The following BCAT1 variants were observed in gnomAD, a reference collection of about 807,000 sequenced individuals.
BCAT1 encodes branched-chain-amino-acid aminotransferase, cytosolic.
Under a neutral mutation model 52.4 loss-of-function variants are expected in BCAT1, and 48 were observed. The ratio of observed to expected loss-of-function variants is 0.92; its 90% confidence interval spans 0.73 to 1.16. BCAT1 has a LOEUF of 1.16. BCAT1 is among the 50% of genes most tolerant of loss of function. The pLI is 0.00. For missense variants in BCAT1, 451 were observed against 457.1 expected (o/e 0.99, Z 0.12); for synonymous variants, 167 against 161.3 (o/e 1.04, Z -0.27).
intron 5 of BCAT1, among the ~76,000 whole-genome samples, chr12:24,864,010 G>T (rs1242474884): frequency 6.6e-6 from 1 of 151,946 alleles, no homozygotes; most frequent in African/African-American, 2.4e-5. Context: ...TCAGACTGCT[G>T]CCTGTTTTTA....
chr12:24,832,702 A>T, intron 9 of BCAT1, 21 bp downstream of exon 9: 6 of 1,589,470 alleles, frequency 3.8e-6, no homozygotes, highest in Non-Finnish European at 5.1e-6. Context: ...ATGATAGGAA[A>T]TGAGGAAATA....
chr12:24,860,716 T>C lies in BCAT1; in HGVS notation c.511-10767A>G, dbSNP rs191694253. Among the ~76,000 whole-genome samples the C allele has an allele frequency of 1.6e-3, 250 of 152,330 alleles. 3 individuals are homozygous for C. Among genetic ancestry groups the C allele is most frequent in the Non-Finnish European group, 6.5e-4 (44 of 68,020 alleles). ...AAGCCTCTGGGAAAAGCTGGCCTCA[T>C]ACCTTGTCTATTCAATTCCTTTACA... On this transcript the variant is annotated intron_variant, in intron 5 of 10. Transcript: ENST00000261192.
At chr12:24,875,741 G>A (rs1942317096) in intron 5 of BCAT1, among the ~76,000 whole-genome samples, 1 of 152,126 alleles carries the variant, frequency 6.6e-6, no homozygotes, top group Non-Finnish European at 1.5e-5. Flanking sequence ...CCCTAATAGT[G>A]AGAATGATCA....
chr12:24,923,826 A>C (rs1943538104), intron 1 of BCAT1, among the ~76,000 whole-genome samples: 1 of 152,234 alleles, frequency 6.6e-6, no homozygotes, highest in South Asian at 2.1e-4. Context: ...ACTAGAACCC[A>C]GGTCTTCAGA....
chr12:24,875,002 G>T (rs529014256), intron 5 of BCAT1, among the ~76,000 whole-genome samples: 170 of 74,464 alleles, frequency 2.3e-3, no homozygotes, highest in African/African-American at 9.0e-3. Context: ...AAGCAAGACA[G>T]GACCAAAAAA....
intron 1 of BCAT1, among the ~76,000 whole-genome samples, chr12:24,925,823 C>A (rs1384467564): frequency 6.6e-6 from 1 of 152,206 alleles, no homozygotes; most frequent in African/African-American, 2.4e-5. Context: ...AGCTCCTAAC[C>A]GGGAGTGATC....
chr12:24,884,626 A>T (rs1591838067), intron 3 of BCAT1, among the ~76,000 whole-genome samples: 1 of 152,220 alleles, frequency 6.6e-6, no homozygotes, highest in Non-Finnish European at 1.5e-5. Context: ...TTTGTCAATT[A>T]AAAATTTAAT....
intron 1 of BCAT1, among the ~76,000 whole-genome samples, chr12:24,914,405 T>C (rs1202139140): frequency 6.6e-6 from 1 of 152,162 alleles, no homozygotes; most frequent in Non-Finnish European, 1.5e-5. Context: ...TATAAGCCAT[T>C]GAACTAGTCT....
chr12:24,845,275 A>G (rs1047093415), intron 6 of BCAT1, among the ~76,000 whole-genome samples: 2 of 152,124 alleles, frequency 1.3e-5, no homozygotes, highest in African/African-American at 2.4e-5. Flanking sequence ...CTAAATACAG[A>G]TGACAAAATA....
intron 1 of BCAT1, chr12:24,903,841 G>A (rs965150287): frequency 6.6e-6 from 1 of 152,222 alleles, no homozygotes. Flanking sequence ...TATATGCAGT[G>A]TTCGCCTGGG....
chr12:24,891,773 G>A (rs1456048778), intron 3 of BCAT1, among the ~76,000 whole-genome samples: 7 of 151,096 alleles, frequency 4.6e-5, no homozygotes, highest in African/African-American at 1.7e-4. Context: ...TTTTGAGATG[G>A]AGTCTTGCTC....
chr12:24,829,441 T>C (rs758776535), intron 10 of BCAT1, among the ~76,000 whole-genome samples: 1 of 152,206 alleles, frequency 6.6e-6, no homozygotes, highest in Non-Finnish European at 1.5e-5. Context: ...TGGAATCACA[T>C]GCACTGTAAT....
At chr12:24,914,867 G>A (rs569219033) in intron 1 of BCAT1, among the ~76,000 whole-genome samples, 1 of 152,270 alleles carries the variant, frequency 6.6e-6, no homozygotes, top group Admixed American at 6.5e-5. Flanking sequence ...TTGTACCCAG[G>A]AAGGAATTCA....
intron 2 of BCAT1, among the ~76,000 whole-genome samples, chr12:24,901,444 T>C (rs1397232523): frequency 6.6e-6 from 1 of 152,248 alleles, no homozygotes; most frequent in East Asian, 1.9e-4. Context: ...ACTTTCACTG[T>C]AGAGTGTTAT....
At chr12:24,939,365 T>C (rs1040441184) in intron 1 of BCAT1, among the ~76,000 whole-genome samples, 1 of 152,188 alleles carries the variant, frequency 6.6e-6, no homozygotes, top group African/African-American at 2.4e-5. Flanking sequence ...AATGGTAGAT[T>C]TGAAGAAAAG....
chr12:24,903,238 G>A (rs1943165676), intron 1 of BCAT1: 2 of 760,716 alleles, frequency 2.6e-6, no homozygotes, highest in East Asian at 3.5e-5. Flanking sequence ...GGTTGTCCCT[G>A]TCACCGGGGT....
chr12:24,928,449 G>A (rs1373782591), intron 1 of BCAT1, among the ~76,000 whole-genome samples: 1 of 151,958 alleles, frequency 6.6e-6, no homozygotes, highest in Non-Finnish European at 1.5e-5. Context: ...GACCAGCCTG[G>A]GCAAAAGGGG....
intron 1 of BCAT1, among the ~76,000 whole-genome samples, chr12:24,932,777 C>T (rs1178591450): frequency 6.6e-6 from 1 of 152,112 alleles, no homozygotes; most frequent in Non-Finnish European, 1.5e-5. Flanking sequence ...GCTGGGATTA[C>T]AGGTGTGTGC....
At chr12:24,891,265 G>GT (rs1275779448) in intron 3 of BCAT1, among the ~76,000 whole-genome samples, 1 of 152,114 alleles carries the variant, frequency 6.6e-6, no homozygotes, top group African/African-American at 2.4e-5. Context: ...AACTCCTTGA[G>GT]TTTTGCAGCC....
Sources: gnomAD v4.1 joint callset for allele counts (sites outside exome capture counted in the v4.1 genomes callset) on GRCh38, gnomAD v4.1.1 for gene constraint, MANE v1.5 for transcripts, NCBI Gene and HGNC (gene_info 2026-07-23, HGNC 2026-07-21) for gene names.